The following NRG3 variants were observed in gnomAD, a reference collection of about 807,000 sequenced individuals.
NRG3 encodes pro-neuregulin-3, membrane-bound isoform.
NRG3 carries 31 observed loss-of-function variants against 66.9 expected under a neutral mutation model. The observed-to-expected ratio is 0.46, with a 90% CI of 0.35 to 0.63. The LOEUF (loss-of-function observed/expected upper bound fraction) is 0.63. Among genes scored for constraint, NRG3 ranks in the 20% least tolerant of loss-of-function variants. The probability of loss-of-function intolerance (pLI) is 0.00; values close to 1 mark genes in which losing one functional copy is unlikely to be tolerated. For missense variants in NRG3, 910 were observed against 878.9 expected (o/e 1.04, Z -0.45); for synonymous variants, 393 against 359.4 (o/e 1.09, Z -1.06).
intron 1 of NRG3, among the ~76,000 whole-genome samples, chr10:81,907,828 A>G (rs1844740376): frequency 6.6e-6 from 1 of 152,198 alleles, no homozygotes; most frequent in African/African-American, 2.4e-5. Context: ...CCCTTCTTCC[A>G]AAATTTTCAG....
rs1042441648 is a variant in NRG3 at position 82,349,096 on chromosome 10, C to T, written c.824-9643C>T. 2.4e-4 allele frequency among the ~76,000 whole-genome samples: 36 copies of T among 152,202 alleles called. 1 individual carries two copies. The highest frequency in any genetic ancestry group is 3.9e-4 in the East Asian group (2 of 5,178). ...AGTCATTCTCCATCCAGCTTTGTTT[C>T]GTTGCTGGTGAGGAACTGCGTTCCT... On this transcript the variant is annotated intron_variant, in intron 1 of 8. Coordinates refer to ENST00000372141, the MANE Select transcript of NRG3 (RefSeq NM_001010848.4).
At chr10:82,209,828 A>G (rs1469677270) in intron 1 of NRG3, among the ~76,000 whole-genome samples, 1 of 152,158 alleles carries the variant, frequency 6.6e-6, no homozygotes, top group African/African-American at 2.4e-5. Flanking sequence ...GTGTGTCACA[A>G]GTCTGTGTAA....
intron 4 of NRG3, among the ~76,000 whole-genome samples, chr10:82,909,994 A>T (rs1591920946): frequency 6.6e-6 from 1 of 152,114 alleles, no homozygotes; most frequent in Non-Finnish European, 1.5e-5. Flanking sequence ...ATAGAAAAAC[A>T]CTCTAAAGCG....
intron 4 of NRG3, among the ~76,000 whole-genome samples, chr10:82,898,043 G>T (rs979666995): frequency 3.9e-5 from 6 of 152,164 alleles, no homozygotes; most frequent in Non-Finnish European, 8.8e-5. Context: ...ATCTTGTGCA[G>T]CAGACCTGCA....
rs547900024 is a variant in NRG3 at position 82,618,319 on chromosome 10, G to A, written c.954-120258G>A. On this transcript the variant is annotated intron_variant, in intron 2 of 8. Coordinates refer to ENST00000372141, the MANE Select transcript of NRG3 (RefSeq NM_001010848.4). ...TGCAGAGAGGGACAGTGATGAGGCA[G>A]GGAGACGGGGGGGAATTTATGCGGG... is the stretch of plus-strand genomic sequence containing the variant. Among the ~76,000 whole-genome samples, 9 of 152,222 alleles carry A rather than the reference G, an allele frequency of 5.9e-5. No homozygotes were observed. The East Asian group carries it at 1.5e-3, about 26-fold the overall frequency.
At chr10:82,589,834 A>G (rs910836496) in intron 2 of NRG3, among the ~76,000 whole-genome samples, 1 of 152,188 alleles carries the variant, frequency 6.6e-6, no homozygotes, top group African/African-American at 2.4e-5. Context: ...AGCTAACTTA[A>G]AAATCTGTTT....
chr10:82,813,913 G>A (rs972858921), intron 3 of NRG3, among the ~76,000 whole-genome samples: 1 of 152,212 alleles, frequency 6.6e-6, no homozygotes, highest in African/African-American at 2.4e-5. Context: ...GTCTTGAGAG[G>A]ACTATGGGAA....
intron 2 of NRG3, among the ~76,000 whole-genome samples, chr10:82,563,120 T>C (rs2045162139): frequency 6.6e-6 from 1 of 152,156 alleles, no homozygotes; most frequent in Non-Finnish European, 1.5e-5. Flanking sequence ...AGATCCATAG[T>C]CATTTTTTAA....
At chr10:82,410,380 A>G (rs562447418) in intron 2 of NRG3, among the ~76,000 whole-genome samples, 2 of 151,390 alleles carry the variant, frequency 1.3e-5, no homozygotes, top group Non-Finnish European at 2.9e-5. Flanking sequence ...GACATAGTTG[A>G]ACTCTGATAC....
intron 3 of NRG3, among the ~76,000 whole-genome samples, chr10:82,754,153 T>G: frequency 6.6e-6 from 1 of 152,038 alleles, no homozygotes; most frequent in Non-Finnish European, 1.5e-5. Flanking sequence ...TAAATCGTAT[T>G]TATTTATTAA....
chr10:82,763,959 T>C (rs993195592), intron 3 of NRG3, among the ~76,000 whole-genome samples: 7 of 152,224 alleles, frequency 4.6e-5, no homozygotes, highest in African/African-American at 7.2e-5. Context: ...TTAATCCATC[T>C]GTTTCTTTTT....
intron 1 of NRG3, among the ~76,000 whole-genome samples, chr10:81,988,315 C>T (rs991397124): frequency 3.3e-5 from 5 of 152,110 alleles, no homozygotes; most frequent in Non-Finnish European, 7.4e-5. Context: ...TATGTTAAGG[C>T]CTCTCACTGC....
At chr10:82,292,226 A>G (rs546544356) in intron 1 of NRG3, among the ~76,000 whole-genome samples, 3 of 152,178 alleles carry the variant, frequency 2.0e-5, no homozygotes, top group East Asian at 3.9e-4. Flanking sequence ...GATGTTGAAC[A>G]TTATTATCAT....
chr10:81,991,913 T>C (rs1410173134), intron 1 of NRG3, among the ~76,000 whole-genome samples: 1 of 152,118 alleles, frequency 6.6e-6, no homozygotes, highest in Non-Finnish European at 1.5e-5. Flanking sequence ...ATTAAACAAA[T>C]ATTATATCAT....
chr10:82,207,411 C>G (rs2133579508), intron 1 of NRG3, among the ~76,000 whole-genome samples: 1 of 152,164 alleles, frequency 6.6e-6, no homozygotes. Context: ...TGATATAACT[C>G]CTTATGCATA....
intron 2 of NRG3, among the ~76,000 whole-genome samples, chr10:82,534,267 GTT>G (rs60425988): frequency 7.0e-6 from 1 of 141,852 alleles, no homozygotes; most frequent in Non-Finnish European, 1.6e-5. Context: ...AATCCATTTT[GTT>G]TTTTTTTTTT....
chr10:82,475,536 C>T (rs1006010439), intron 2 of NRG3, among the ~76,000 whole-genome samples: 1 of 152,024 alleles, frequency 6.6e-6, no homozygotes, highest in Non-Finnish European at 1.5e-5. Context: ...AAGAAGTAAA[C>T]TTTTACATAT....
chr10:82,721,599 T>A (rs1269540175), intron 2 of NRG3, among the ~76,000 whole-genome samples: 1 of 151,992 alleles, frequency 6.6e-6, no homozygotes, highest in East Asian at 1.9e-4. Flanking sequence ...ATTTTTGTAT[T>A]TTTAGCAGAG....
At chr10:82,653,571 G>A (rs987671688) in intron 2 of NRG3, among the ~76,000 whole-genome samples, 5 of 151,838 alleles carry the variant, frequency 3.3e-5, no homozygotes, top group African/African-American at 1.2e-4. Flanking sequence ...AGATGAAAGG[G>A]AATTATATTG....
Sources: gnomAD v4.1 joint callset for allele counts (sites outside exome capture counted in the v4.1 genomes callset) on GRCh38, gnomAD v4.1.1 for gene constraint, MANE v1.5 for transcripts, NCBI Gene and HGNC (gene_info 2026-07-23, HGNC 2026-07-21) for gene names.